The following PHTF2 variants were observed in gnomAD, a reference collection of about 807,000 sequenced individuals.
The protein encoded by PHTF2 is protein PHTF2.
In PHTF2, 60 loss-of-function variants were observed where a neutral mutation model predicts 101.2. The ratio of observed to expected loss-of-function variants is 0.59; its 90% CI spans 0.48 to 0.73. The LOEUF (loss-of-function observed/expected upper bound fraction) is 0.73. Ranked by LOEUF, PHTF2 falls within the 30% of genes least tolerant of loss-of-function variation. The pLI is 0.00. For synonymous variants in PHTF2, 311 were observed against 307.3 expected, an observed-to-expected ratio of 1.01 and a Z score of -0.13; for missense variants, 747 against 908.7, an observed-to-expected ratio of 0.82 and a Z score of 2.29.
chr7:77,954,612 G>GTGTATGTATATATATA (rs1426693429), intron 19 of PHTF2, among the ~76,000 whole-genome samples: 5 of 90,192 alleles, frequency 5.5e-5, no homozygotes, highest in African/African-American at 2.4e-4. Context: ...CAAGTACTGT[G>GTGTATGTATATATATA]TATATATATA....
intron 3 of PHTF2, among the ~76,000 whole-genome samples, chr7:77,881,047 T>G (rs1398439754): frequency 6.6e-6 from 1 of 152,100 alleles, no homozygotes; most frequent in Non-Finnish European, 1.5e-5. Flanking sequence ...CAAGTGGTTG[T>G]TTTTTTACCT....
rs201576886 is a variant in PHTF2 at position 77,819,052 on chromosome 7, GT to G, written c.-36+20084del. 9.5e-3 allele frequency among the ~76,000 whole-genome samples: 1,441 copies of G among 152,236 alleles called. 57 individuals carry two copies. The highest frequency in any genetic ancestry group is 0.075 in the Admixed American group (1,144 of 15,294). ...CATTTTCAGCTAGTTGATTGTTTGT[GT>G]TTAGAAATGCTACTGATTTGTGAAT... On this transcript the variant is annotated intron_variant, in intron 1 of 19. Transcript: ENST00000416283.
intron 16 of PHTF2, among the ~76,000 whole-genome samples, chr7:77,947,533 A>T (rs1378776250): frequency 6.6e-6 from 1 of 152,150 alleles, no homozygotes; most frequent in African/African-American, 2.4e-5. Flanking sequence ...ACTGCACTCC[A>T]GCCTGGGCGA....
At chr7:77,873,739 G>A (rs918042009) in intron 3 of PHTF2, among the ~76,000 whole-genome samples, 3 of 152,176 alleles carry the variant, frequency 2.0e-5, no homozygotes, top group Admixed American at 1.3e-4. Flanking sequence ...CAAACTCAGT[G>A]TCCTGCCTCA....
intron 12 of PHTF2, among the ~76,000 whole-genome samples, chr7:77,933,195 A>G (rs1332124010): frequency 6.6e-6 from 1 of 152,090 alleles, no homozygotes; most frequent in Non-Finnish European, 1.5e-5. Context: ...CCGAGATGGC[A>G]CCACTGCACT....
intron 2 of PHTF2, among the ~76,000 whole-genome samples, chr7:77,844,389 T>C (rs1200751897): frequency 1.3e-5 from 2 of 152,228 alleles, no homozygotes; most frequent in Non-Finnish European, 2.9e-5. Flanking sequence ...ATCACTTGAT[T>C]TGTAGACTCT....
At chr7:77,925,853 C>G (rs949454931) in intron 11 of PHTF2, among the ~76,000 whole-genome samples, 2 of 151,864 alleles carry the variant, frequency 1.3e-5, no homozygotes, top group African/African-American at 4.8e-5. Flanking sequence ...GTCAAGAGAT[C>G]AAGACCATCC....
At chr7:77,925,076 A>T (rs1162659820) in intron 11 of PHTF2, among the ~76,000 whole-genome samples, 1 of 152,134 alleles carries the variant, frequency 6.6e-6, no homozygotes, top group South Asian at 2.1e-4. Context: ...TTTACTCCCA[A>T]TTGTAGGTTA....
intron 11 of PHTF2, among the ~76,000 whole-genome samples, chr7:77,927,189 TATATATACATAC>T (rs1287284644): frequency 1.6e-3 from 146 of 91,614 alleles, no homozygotes; most frequent in Middle Eastern, 6.5e-3. Flanking sequence ...TATATATATA[TATATATACATAC>T]ACACACACAC....
At chr7:77,856,515 C>G (rs1312750530) in intron 3 of PHTF2, among the ~76,000 whole-genome samples, 1 of 151,980 alleles carries the variant, frequency 6.6e-6, no homozygotes, top group East Asian at 1.9e-4. Context: ...ACCACCACAC[C>G]CAGATCATTT....
intron 5 of PHTF2, among the ~76,000 whole-genome samples, chr7:77,898,586 A>G (rs1801087739): frequency 6.6e-6 from 1 of 152,138 alleles, no homozygotes; most frequent in Non-Finnish European, 1.5e-5. Context: ...GCCCATACTC[A>G]TTATTTGGGG....
chr7:77,826,257 A>T (rs562421200), intron 1 of PHTF2, among the ~76,000 whole-genome samples: 3 of 152,232 alleles, frequency 2.0e-5, no homozygotes, highest in Non-Finnish European at 4.4e-5. Flanking sequence ...TTTCTCAATT[A>T]TTGTCAATTC....
chr7:77,842,970 G>A (rs1369965892), intron 2 of PHTF2, among the ~76,000 whole-genome samples: 1 of 152,160 alleles, frequency 6.6e-6, no homozygotes, highest in Non-Finnish European at 1.5e-5. Flanking sequence ...GATTTGACCT[G>A]TAGGCCTTGA....
chr7:77,875,643 C>T (rs182987079), intron 3 of PHTF2, among the ~76,000 whole-genome samples: 534 of 152,030 alleles, frequency 3.5e-3, no homozygotes, highest in Non-Finnish European at 3.9e-3. Context: ...CTGCAAGCTC[C>T]GTCTCCTGGG....
intron 16 of PHTF2, among the ~76,000 whole-genome samples, chr7:77,944,348 T>C (rs1805875754): frequency 6.6e-6 from 1 of 152,100 alleles, no homozygotes; most frequent in African/African-American, 2.4e-5. Flanking sequence ...AGAAAAACAG[T>C]CTGCTCACCA....
At chr7:77,800,308 G>A (rs1055323956) in intron 1 of PHTF2, among the ~76,000 whole-genome samples, 1 of 152,172 alleles carries the variant, frequency 6.6e-6, no homozygotes, top group Admixed American at 6.5e-5. Context: ...GGAGGTCTGC[G>A]GAGAATGAGC....
chr7:77,951,696 C>A, exon 18 of PHTF2: 1 of 1,401,560 alleles, frequency 7.1e-7, no homozygotes. Flanking sequence ...TTAAAACTGG[C>A]TACTAAACTG....
intron 5 of PHTF2, among the ~76,000 whole-genome samples, chr7:77,898,157 G>A (rs1052189417): frequency 6.6e-6 from 1 of 152,054 alleles, no homozygotes; most frequent in Admixed American, 6.5e-5. Flanking sequence ...AGGTCGATTA[G>A]AAGAAGCATG....
rs1000285359 is a variant in PHTF2, at chr7:77,847,427, T to A, written c.45+7127T>A. On this transcript the variant is annotated intron_variant, in intron 2 of 19. Coordinates refer to ENST00000416283, the Ensembl canonical transcript of PHTF2. ...CGACCTCTATTTGATTTTGTGACAT[T>A]TACCAGCTTATGATATTGAACATGT... Among the ~76,000 whole-genome samples, 5 of 152,224 alleles carry A rather than the reference T, an allele frequency of 3.3e-5. No individual in the cohort carries two copies. The South Asian group carries it at 1.0e-3, about 32-fold the overall frequency.
Sources: allele counts gnomAD v4.1 joint callset (sites outside exome capture counted in the v4.1 genomes callset), GRCh38; gene constraint gnomAD v4.1.1; transcripts MANE v1.5; gene names NCBI Gene and HGNC (gene_info 2026-07-23, HGNC 2026-07-21).